DOCK2: variants seen among roughly 807,000 people sequenced by gnomAD.
DOCK2 encodes the protein dedicator of cytokinesis 2, also known as dedicator of cytokinesis protein 2.
In DOCK2, 87 loss-of-function variants were observed where a neutral mutation model predicts 248.9. The observed-to-expected ratio is 0.35, with a 90% CI of 0.29 to 0.42. The LOEUF (loss-of-function observed/expected upper bound fraction) is 0.42, where lower values mean the gene tolerates loss of function less well. Among genes scored for constraint, DOCK2 ranks in the 10% least tolerant of loss-of-function variants. The pLI is 1.00. For synonymous variants in DOCK2, 805 were observed against 821.6 expected, an observed-to-expected ratio of 0.98 and a Z score of 0.35; for missense variants, 1,747 against 2,300.2, an observed-to-expected ratio of 0.76 and a Z score of 4.92.
intron 44 of DOCK2, 75 bp from the exon 45 acceptor site, chr5:170,067,435 A>G: frequency 6.8e-7 from 1 of 1,476,278 alleles, no homozygotes; most frequent in East Asian, 2.3e-5. Context: ...CCCAAGTGAA[A>G]TCAATACCAA....
intron 14 of DOCK2, among the ~76,000 whole-genome samples, chr5:169,703,349 C>A (rs1218054568): frequency 4.6e-5 from 7 of 152,164 alleles, no homozygotes; most frequent in Admixed American, 4.6e-4. Context: ...TACCATGTGT[C>A]AGGCTGTGTG....
At chr5:169,869,042 G>A (rs1275108026) in intron 27 of DOCK2, among the ~76,000 whole-genome samples, 1 of 152,172 alleles carries the variant, frequency 6.6e-6, no homozygotes, top group Admixed American at 6.5e-5. Context: ...CTGGGTGGCT[G>A]TGCAGATGGG....
intron 27 of DOCK2, among the ~76,000 whole-genome samples, chr5:169,882,114 A>C (rs561872213): frequency 9.8e-5 from 15 of 152,324 alleles, no homozygotes; most frequent in Non-Finnish European, 5.9e-5. Context: ...GGTCAATAGT[A>C]AGCTGAGTGG....
At chr5:170,079,224 T>C (rs1394646124) in intron 49 of DOCK2, 78 bp downstream of exon 49, 1 of 1,527,104 alleles carries the variant, frequency 6.5e-7, no homozygotes, top group Non-Finnish European at 8.8e-7. Context: ...ACCCAGGGCT[T>C]CCAGATATGG....
intron 26 of DOCK2, among the ~76,000 whole-genome samples, chr5:169,821,048 G>A (rs1284837009): frequency 6.6e-6 from 1 of 152,156 alleles, no homozygotes; most frequent in East Asian, 1.9e-4. Flanking sequence ...ATGAAATGAA[G>A]CGAGCAGAGA....
intron 8 of DOCK2, among the ~76,000 whole-genome samples, chr5:169,687,893 T>C (rs1314889047): frequency 6.6e-6 from 1 of 152,172 alleles, no homozygotes; most frequent in Non-Finnish European, 1.5e-5. Context: ...CCTCTAATTT[T>C]TCTCTTGTAA....
chr5:169,892,830 G>A (rs1383206559), intron 27 of DOCK2, among the ~76,000 whole-genome samples: 1 of 152,086 alleles, frequency 6.6e-6, no homozygotes, highest in Non-Finnish European at 1.5e-5. Flanking sequence ...AAATCTAGCT[G>A]GATTATCCTC....
chr5:169,734,595 G>A (rs1232201026), intron 22 of DOCK2, among the ~76,000 whole-genome samples: 3 of 152,162 alleles, frequency 2.0e-5, no homozygotes, highest in Non-Finnish European at 4.4e-5. Flanking sequence ...ATGGATACAA[G>A]CAAGGAACAT....
At chr5:169,786,510 T>C (rs750576066) in intron 25 of DOCK2, among the ~76,000 whole-genome samples, 2 of 152,110 alleles carry the variant, frequency 1.3e-5, no homozygotes, top group Non-Finnish European at 2.9e-5. Context: ...GGAGAAAGAA[T>C]GGGAAAGATA....
At chr5:169,738,719 A>G (rs78809715) in intron 22 of DOCK2, among the ~76,000 whole-genome samples, 6,361 of 152,326 alleles carry the variant, frequency 0.042, 169 homozygotes, top group African/African-American at 0.078. Context: ...GAACTCTTTG[A>G]CAATAGAAGC....
chr5:170,064,597 G>C (rs952282629), intron 44 of DOCK2, among the ~76,000 whole-genome samples: 1 of 151,664 alleles, frequency 6.6e-6, no homozygotes, highest in Non-Finnish European at 1.5e-5. Context: ...GAATGAGACT[G>C]GTATAAGAGA....
intron 32 of DOCK2, 43 bp downstream of exon 32, chr5:170,008,789 CA>C: frequency 6.2e-7 from 1 of 1,610,782 alleles, no homozygotes; most frequent in South Asian, 1.1e-5. Flanking sequence ...CTGCAGGCAC[CA>C]AACTCCTTCT....
chr5:169,967,720 G>A (rs573948436), intron 27 of DOCK2, among the ~76,000 whole-genome samples: 8 of 152,322 alleles, frequency 5.3e-5, no homozygotes, highest in East Asian at 3.9e-4. Context: ...CAGGGGGTGC[G>A]TTTAGGAGGC....
chr5:169,981,554 G>A (rs931302293), intron 27 of DOCK2, among the ~76,000 whole-genome samples: 9 of 152,108 alleles, frequency 5.9e-5, no homozygotes, highest in Admixed American at 2.0e-4. Flanking sequence ...TGTGATCGGT[G>A]ACCTTTGATG....
chr5:169,776,331 T>C (rs1765383390), intron 25 of DOCK2, among the ~76,000 whole-genome samples: 1 of 151,828 alleles, frequency 6.6e-6, no homozygotes, highest in South Asian at 2.1e-4. Flanking sequence ...GCTAGCTAAT[T>C]TCAAAATATT....
intron 27 of DOCK2, among the ~76,000 whole-genome samples, chr5:169,890,525 A>G (rs1418435192): frequency 1.3e-5 from 2 of 152,188 alleles, no homozygotes; most frequent in Non-Finnish European, 2.9e-5. Context: ...CAAATTATAT[A>G]TTCCAAAAAT....
chr5:169,977,300 G>A (rs541304855), intron 27 of DOCK2, among the ~76,000 whole-genome samples: 15 of 152,322 alleles, frequency 9.8e-5, no homozygotes, highest in Admixed American at 9.1e-4. Context: ...GATTGGGAGT[G>A]CTTGATGTGT....
At chr5:169,972,650 C>A (rs1271700899) in intron 27 of DOCK2, among the ~76,000 whole-genome samples, 6 of 150,444 alleles carry the variant, frequency 4.0e-5, no homozygotes, top group African/African-American at 1.5e-4. Context: ...TAAAATCTCC[C>A]CTGTTAGTCT....
In DOCK2 at chr5:170,076,020, G is replaced by A. The variant is rs772636041; in HGVS notation, c.4802G>A (p.Arg1601Gln). ...GATAACTTGCGACCCTTCCATGACCGGATGGAGGAATGTTTCAAGAACCTG... is the reference window on the plus strand; with the variant it reads ...GATAACTTGCGACCCTTCCATGACCAGATGGAGGAATGTTTCAAGAACCTG... ...VSDNLRPFHD[R>Q]MEECFKNLKM... The change falls in exon 47 of 52, where the codon CGG becomes CAG. Residue 1601 changes from arginine (R) to glutamine (Q), a missense_variant. Physicochemically the swap from Arg to Gln is conservative, Grantham distance 43. Coordinates refer to ENST00000520908, the MANE Select transcript of DOCK2 (RefSeq NM_004946.3). 3.7e-6 allele frequency: 6 copies of A among 1,614,152 alleles called. No individual in the cohort carries two copies. Among genetic ancestry groups the A allele is most frequent in the South Asian group, 2.2e-5 (2 of 91,076 alleles).
Sources: gnomAD v4.1 joint callset for allele counts (sites outside exome capture counted in the v4.1 genomes callset) on GRCh38, gnomAD v4.1.1 for gene constraint, MANE v1.5 for transcripts, NCBI Gene and HGNC (gene_info 2026-07-23, HGNC 2026-07-21) for gene names.